The following PCDH7 variants were observed in gnomAD, a reference collection of about 807,000 sequenced individuals.
The protein encoded by PCDH7 is protocadherin 7.
A neutral mutation model predicts 58.9 loss-of-function variants in PCDH7; 17 were observed. That is an observed-to-expected ratio of 0.29 (90% CI 0.20 to 0.43). The LOEUF (loss-of-function observed/expected upper bound fraction) is 0.43, where lower values mean the gene tolerates loss of function less well. Among genes scored for constraint, PCDH7 ranks in the 20% least tolerant of loss-of-function variants. The probability of loss-of-function intolerance (pLI) is 1.00; values close to 1 mark genes in which losing one functional copy is unlikely to be tolerated. For synonymous variants in PCDH7, 664 were observed against 616.4 expected, an observed-to-expected ratio of 1.08 and a Z score of -1.14; for missense variants, 1,274 against 1,441.0, an observed-to-expected ratio of 0.88 and a Z score of 1.88.
At chr4:30,763,740 A>T (rs1212991260) in intron 1 of PCDH7, among the ~76,000 whole-genome samples, 1 of 152,210 alleles carries the variant, frequency 6.6e-6, no homozygotes, top group East Asian at 1.9e-4. Context: ...TTGGAAAGAG[A>T]AAAAGGAAGA....
intron 3 of PCDH7, among the ~76,000 whole-genome samples, chr4:31,025,039 G>C (rs1020553989): frequency 6.6e-6 from 1 of 152,148 alleles, no homozygotes; most frequent in Non-Finnish European, 1.5e-5. Context: ...CACTGCGCCC[G>C]GCCTGTGTGA....
chr4:31,111,039 G>A (rs996590504), intron 3 of PCDH7, among the ~76,000 whole-genome samples: 5 of 151,756 alleles, frequency 3.3e-5, no homozygotes, highest in Admixed American at 2.6e-4. Flanking sequence ...ATTCCATATT[G>A]ACTGACAGGA....
intron 3 of PCDH7, among the ~76,000 whole-genome samples, chr4:31,023,022 G>A (rs1263329392): frequency 6.6e-6 from 1 of 152,176 alleles, no homozygotes; most frequent in African/African-American, 2.4e-5. Flanking sequence ...CAAGGGGATT[G>A]CGTTCATAGG....
intron 1 of PCDH7, among the ~76,000 whole-genome samples, chr4:30,795,407 A>T (rs1307337785): frequency 6.6e-6 from 1 of 152,226 alleles, no homozygotes; most frequent in East Asian, 1.9e-4. Flanking sequence ...TCCTGGCATA[A>T]AGTAAGAAAC....
At chr4:30,893,961 C>T (rs1055882742) in intron 1 of PCDH7, among the ~76,000 whole-genome samples, 8 of 152,072 alleles carry the variant, frequency 5.3e-5, no homozygotes, top group African/African-American at 1.9e-4. Flanking sequence ...CCACCAATGG[C>T]TAAAGCCATT....
intron 3 of PCDH7, among the ~76,000 whole-genome samples, chr4:30,997,460 A>G (rs974466043): frequency 1.3e-5 from 2 of 152,190 alleles, no homozygotes; most frequent in East Asian, 1.9e-4. Flanking sequence ...TAGAAAATAT[A>G]AATGTGGATG....
At chr4:30,770,160 G>A (rs1045589401) in intron 1 of PCDH7, among the ~76,000 whole-genome samples, 2 of 152,164 alleles carry the variant, frequency 1.3e-5, no homozygotes, top group Admixed American at 1.3e-4. Context: ...AGAGAGCTAT[G>A]AACAGCTTTC....
chr4:30,804,701 A>G (rs1044137322), intron 1 of PCDH7, among the ~76,000 whole-genome samples: 2 of 152,186 alleles, frequency 1.3e-5, no homozygotes, highest in African/African-American at 4.8e-5. Flanking sequence ...CCCAGCCCCC[A>G]GAACTGTGAG....
At chr4:31,125,654 G>A (rs1172364160) in intron 3 of PCDH7, among the ~76,000 whole-genome samples, 2 of 152,144 alleles carry the variant, frequency 1.3e-5, no homozygotes, top group African/African-American at 4.8e-5. Context: ...GTGATGCTAG[G>A]AAGTGGCAGT....
intron 1 of PCDH7, among the ~76,000 whole-genome samples, chr4:30,857,010 C>T (rs1313994569): frequency 1.3e-5 from 2 of 151,658 alleles, no homozygotes; most frequent in Non-Finnish European, 2.9e-5. Context: ...GGTGGTGACT[C>T]AACGTGGAGG....
In PCDH7 at chr4:30,724,191, T is replaced by A. The variant is rs1260447161; in HGVS notation, c.2769T>A (p.Phe923Leu). The A allele has an allele frequency of 3.7e-6, 6 of 1,613,974 alleles. No individual in the cohort carries two copies. The African/African-American group carries it at 5.3e-5, about 14-fold the overall frequency. Residue 923 changes from phenylalanine to leucine, a missense_variant, in exon 1 of 2, where the codon TTT becomes TTA. Phe to Leu is a conservative substitution (Grantham distance 22). Around this residue, in one of 3 missense-constraint regions of PCDH7, gnomAD observed 731 missense variants for 881.9 expected, o/e 0.83. Coordinates refer to ENST00000361762, the Ensembl canonical transcript of PCDH7. ...GCAAAAAAGATCACGAAGACTTTTT[T>A]ACACCCCAACAGCATGACAAATCTA...
intron 1 of PCDH7, among the ~76,000 whole-genome samples, chr4:30,788,525 A>AT (rs1338049496): frequency 6.6e-6 from 1 of 152,076 alleles, no homozygotes; most frequent in East Asian, 1.9e-4. Context: ...TGTATTGAAT[A>AT]TTTTTTGTGA....
intron 1 of PCDH7, among the ~76,000 whole-genome samples, chr4:30,823,721 TG>T (rs1184357097): frequency 6.6e-6 from 1 of 152,070 alleles, no homozygotes; most frequent in East Asian, 1.9e-4. Flanking sequence ...GCTAGGATCT[TG>T]GGGGTTAGAT....
chr4:30,848,948 T>A (rs187488700), intron 1 of PCDH7, among the ~76,000 whole-genome samples: 366 of 152,256 alleles, frequency 2.4e-3, no homozygotes, highest in African/African-American at 8.6e-3. Context: ...AAGCACACTA[T>A]TGAGGTTGAA....
At chr4:30,951,067 G>T (rs1273210517) in intron 3 of PCDH7, among the ~76,000 whole-genome samples, 1 of 152,122 alleles carries the variant, frequency 6.6e-6, no homozygotes, top group Admixed American at 6.5e-5. Flanking sequence ...ACTCTCTCAG[G>T]TTCTTTGAGA....
rs560068128 is a variant in PCDH7, at chr4:31,104,373, C to T, written c.*8-38100C>T. Among the ~76,000 whole-genome samples the T allele has an allele frequency of 2.6e-5, 4 of 152,210 alleles. No homozygotes were observed. In the South Asian group the frequency reaches 6.2e-4, roughly 24 times the overall value. Reference sequence around the variant, plus strand: ...ACTTAAAGCAAGTGGAAGAAAAAAACATCTAGTTTTCTCATACGCACCCCT... The same window carrying T: ...ACTTAAAGCAAGTGGAAGAAAAAAATATCTAGTTTTCTCATACGCACCCCT... On this transcript the variant is annotated intron_variant, in intron 3 of 3. Transcript: ENST00000509759.
intron 1 of PCDH7, among the ~76,000 whole-genome samples, chr4:30,740,547 A>G (rs1716929136): frequency 1.3e-5 from 2 of 152,000 alleles, no homozygotes; most frequent in African/African-American, 4.8e-5. Context: ...AAATAATTTC[A>G]TTATTTTTGT....
At chr4:30,878,740 C>T (rs1310660690) in intron 1 of PCDH7, among the ~76,000 whole-genome samples, 1 of 152,104 alleles carries the variant, frequency 6.6e-6, no homozygotes, top group Non-Finnish European at 1.5e-5. Context: ...ATCCCAGCTA[C>T]TCTGGAGGCT....
At chr4:30,807,288 A>G (rs1726344406) in intron 1 of PCDH7, among the ~76,000 whole-genome samples, 1 of 152,230 alleles carries the variant, frequency 6.6e-6, no homozygotes, top group Non-Finnish European at 1.5e-5. Context: ...ATTAGTTTCC[A>G]AAAGCATAAA....
Sources: gnomAD v4.1 joint callset for allele counts (sites outside exome capture counted in the v4.1 genomes callset) on GRCh38, gnomAD v4.1.1 for gene constraint, gnomAD v4.1.1 regional missense constraint, MANE v1.5 for transcripts, NCBI Gene and HGNC (gene_info 2026-07-23, HGNC 2026-07-21) for gene names.